Variants in NOS1AP observed in about 807,000 individuals in gnomAD.
The protein encoded by NOS1AP is carboxyl-terminal PDZ ligand of neuronal nitric oxide synthase protein.
Under a neutral mutation model 56.2 loss-of-function variants are expected in NOS1AP, and 21 were observed. The observed-to-expected ratio is 0.37, with a 90% CI of 0.26 to 0.54. The LOEUF is 0.54. Among genes scored for constraint, NOS1AP ranks in the 20% least tolerant of loss-of-function variants. The probability of loss-of-function intolerance (pLI) is 0.84; values close to 1 mark genes in which losing one functional copy is unlikely to be tolerated. For missense variants in NOS1AP, 522 were observed against 657.8 expected, an observed-to-expected ratio of 0.79 and a Z score of 2.26; for synonymous variants, 270 against 274.6, an observed-to-expected ratio of 0.98 and a Z score of 0.17.
At chr1:162,254,899 T>G (rs759492615) in intron 2 of NOS1AP, among the ~76,000 whole-genome samples, 8 of 152,208 alleles carry the variant, frequency 5.3e-5, no homozygotes, top group Non-Finnish European at 1.0e-4. Context: ...GCTGGTAGAT[T>G]CCTTATCTGG....
intron 1 of NOS1AP, among the ~76,000 whole-genome samples, chr1:162,133,575 T>C (rs1250018104): frequency 1.3e-5 from 2 of 152,248 alleles, no homozygotes; most frequent in East Asian, 3.8e-4. Flanking sequence ...TTTATTCTTC[T>C]ATCCCTTTTA....
chr1:162,109,437 A>G (rs1647630127), intron 1 of NOS1AP, among the ~76,000 whole-genome samples: 1 of 152,188 alleles, frequency 6.6e-6, no homozygotes, highest in South Asian at 2.1e-4. Context: ...TGAATTATTT[A>G]CTTCTGAAAT....
intron 1 of NOS1AP, among the ~76,000 whole-genome samples, chr1:162,145,992 G>C (rs187199327): frequency 4.6e-5 from 7 of 152,242 alleles, no homozygotes; most frequent in Non-Finnish European, 1.5e-5. Flanking sequence ...GGGCCTCACT[G>C]TCCTCTGTAA....
chr1:162,303,552 T>G (rs994744589), intron 4 of NOS1AP, among the ~76,000 whole-genome samples: 8 of 152,070 alleles, frequency 5.3e-5, no homozygotes, highest in African/African-American at 1.9e-4. Context: ...AGCAATTCCC[T>G]CCCCTCAGCC....
chr1:162,166,910 G>T (rs1003925401), intron 2 of NOS1AP, among the ~76,000 whole-genome samples: 2 of 152,140 alleles, frequency 1.3e-5, no homozygotes, highest in African/African-American at 4.8e-5. Context: ...TCCTTTGCTG[G>T]GTGGAAGCTC....
intron 2 of NOS1AP, among the ~76,000 whole-genome samples, chr1:162,198,364 G>A (rs17457880): frequency 0.02 from 2,979 of 152,278 alleles, 53 homozygotes; most frequent in Non-Finnish European, 0.032. Context: ...GACTTTTTGT[G>A]ATCTTGTCCT....
chr1:162,256,270 T>C (rs1654026607), intron 2 of NOS1AP, among the ~76,000 whole-genome samples: 1 of 151,948 alleles, frequency 6.6e-6, no homozygotes, highest in African/African-American at 2.4e-5. Context: ...TATTACAGAG[T>C]GTCTGAATGA....
At chr1:162,224,536 A>G (rs1269644991) in intron 2 of NOS1AP, among the ~76,000 whole-genome samples, 1 of 152,204 alleles carries the variant, frequency 6.6e-6, no homozygotes, top group Non-Finnish European at 1.5e-5. Context: ...GAGAAAGGTC[A>G]CATAGAAAGA....
intron 4 of NOS1AP, among the ~76,000 whole-genome samples, chr1:162,326,006 C>G (rs1025413105): frequency 1.3e-5 from 2 of 152,052 alleles, no homozygotes; most frequent in Non-Finnish European, 2.9e-5. Context: ...AGTATTTGTA[C>G]AACATTTCAT....
At chr1:162,269,199 C>T (rs1422337804) in intron 2 of NOS1AP, among the ~76,000 whole-genome samples, 1 of 152,174 alleles carries the variant, frequency 6.6e-6, no homozygotes, top group African/African-American at 2.4e-5. Context: ...CACTTAAGCT[C>T]ATTGAGTTTG....
At chr1:162,241,960 T>A (rs1653501251) in intron 2 of NOS1AP, among the ~76,000 whole-genome samples, 1 of 152,200 alleles carries the variant, frequency 6.6e-6, no homozygotes, top group African/African-American at 2.4e-5. Flanking sequence ...AAGTTGAATG[T>A]CATATCTCCA....
chr1:162,348,623 C>T (rs1657379868), intron 6 of NOS1AP, among the ~76,000 whole-genome samples: 1 of 152,168 alleles, frequency 6.6e-6, no homozygotes, highest in African/African-American at 2.4e-5. Context: ...TAAAAAAGCC[C>T]ATCAGGCCCA....
chr1:162,268,151 C>A (rs1040369608), intron 2 of NOS1AP, among the ~76,000 whole-genome samples: 1 of 151,304 alleles, frequency 6.6e-6, no homozygotes, highest in African/African-American at 2.4e-5. Context: ...CCCAGCTATT[C>A]GGGAGAGTGA....
At chr1:162,187,112 C>T (rs748319850) in intron 2 of NOS1AP, among the ~76,000 whole-genome samples, 12 of 151,816 alleles carry the variant, frequency 7.9e-5, no homozygotes, top group Non-Finnish European at 1.8e-4. Context: ...GACTATAGGC[C>T]GCACCATCAC....
intron 2 of NOS1AP, among the ~76,000 whole-genome samples, chr1:162,228,481 T>G (rs899302964): frequency 2.5e-4 from 38 of 152,280 alleles, no homozygotes; most frequent in African/African-American, 8.9e-4. Context: ...GAAGCTAAAT[T>G]AGGTGCCAGA....
At chr1:162,257,997 A>G (rs1356621334) in intron 2 of NOS1AP, among the ~76,000 whole-genome samples, 2 of 152,020 alleles carry the variant, frequency 1.3e-5, no homozygotes, top group Admixed American at 1.3e-4. Context: ...TTTAAATGCC[A>G]TAAATTGTCT....
chr1:162,365,887 C>G (rs1214379468), intron 9 of NOS1AP, among the ~76,000 whole-genome samples: 2 of 152,136 alleles, frequency 1.3e-5, no homozygotes, highest in Non-Finnish European at 2.9e-5. Context: ...CCATTTCTTT[C>G]TCAGAGAGCT....
At position 162,195,651 on chromosome 1, in the gene NOS1AP, TC is replaced by T. The variant is rs532033094; in HGVS notation, c.177+41177del. On this transcript the variant is annotated intron_variant, in intron 2 of 9. Transcript: ENST00000361897. ...TTACCATTACTGTTGCCGTGTCCTT[TC>T]CTTCATTCATGCCTGTCCTCTTGTC... Among the ~76,000 whole-genome samples the T allele has an allele frequency of 7.9e-4, 120 of 152,378 alleles. 1 individual carries two copies. Among genetic ancestry groups the T allele is most frequent in the African/African-American group, 2.6e-3 (107 of 41,592 alleles).
At position 162,147,344 on chromosome 1, in the gene NOS1AP, A is replaced by C. The variant is rs566257527; in HGVS notation, c.106-7061A>C. ...GAGACTCCGTCTCAAAAAAAAAAAA[A>C]AAAAAAAAAGATAAATACATTTTTC... On this transcript the variant is annotated intron_variant, in intron 1 of 9. Coordinates refer to ENST00000361897, the MANE Select transcript of NOS1AP (RefSeq NM_014697.3). 9.9e-3 allele frequency among the ~76,000 whole-genome samples: 1,506 copies of C among 151,978 alleles called. 37 individuals carry two copies. Among genetic ancestry groups the C allele is most frequent in the African/African-American group, 0.035 (1,456 of 41,452 alleles).
Sources: gnomAD v4.1 joint callset for allele counts (sites outside exome capture counted in the v4.1 genomes callset) on GRCh38, gnomAD v4.1.1 for gene constraint, MANE v1.5 for transcripts, NCBI Gene and HGNC (gene_info 2026-07-23, HGNC 2026-07-21) for gene names.